The following ZNF622 variants were observed in gnomAD, a reference collection of about 807,000 sequenced individuals.
ZNF622 encodes cytoplasmic 60S subunit biogenesis factor ZNF622.
Under a neutral mutation model 49.7 loss-of-function variants are expected in ZNF622, and 34 were observed. The ratio of observed to expected loss-of-function variants is 0.68; its 90% confidence interval spans 0.52 to 0.91. The LOEUF is 0.91. ZNF622 is among the 40% of genes least tolerant of loss of function. The pLI is 0.00. For missense variants in ZNF622, 569 were observed against 616.4 expected, an observed-to-expected ratio of 0.92 and a Z score of 0.81; for synonymous variants, 209 against 228.7, an observed-to-expected ratio of 0.91 and a Z score of 0.78.
Position 16,451,575 on chromosome 5 carries a change from T to C in ZNF622, c.*82A>G. On this transcript the variant is annotated 3_prime_UTR_variant, in exon 6 of 6. Transcript: ENST00000308683. ...CGAATGAAGTAGCAGCAAAAGGGTC[T>C]CTCCTATGATCTGTCTTTCACTGGT... The C allele has an allele frequency of 6.6e-7, 1 of 1,517,152 alleles. No individual in the cohort carries two copies. Among genetic ancestry groups the C allele is most frequent in the Non-Finnish European group, 8.8e-7 (1 of 1,131,930 alleles). 94.0% of individuals were successfully genotyped at this position (1,517,152 alleles called of 1,614,324 possible).
chr5:16,465,737 A>G lies in ZNF622; in HGVS notation c.-72T>C. On this transcript the variant is annotated 5_prime_UTR_variant, in exon 1 of 6. Coordinates refer to ENST00000308683, the MANE Select transcript of ZNF622 (RefSeq NM_033414.3). This position sits in a 1 kb window ranked among gnomAD's most constrained non-coding sequence, Gnocchi z 6.2. ...AGCGCCGTGGCCCCACAAGACCCTC[A>G]GACCTTAACCCGCCTCAGCAGCCAG... 6.8e-7 allele frequency: 1 copy of G among 1,474,118 alleles called. No homozygotes were observed. The highest frequency in any genetic ancestry group is 9.0e-7 in the Non-Finnish European group (1 of 1,113,776). The allele number at this position is 1,474,118 out of a possible 1,614,324, so 91.3% of individuals were successfully genotyped here.
chr5:16,453,288 G>C (rs750015518), intron 4 of ZNF622, 132 bp from the exon 5 acceptor site: 37 of 929,000 alleles, frequency 4.0e-5, no homozygotes, highest in Non-Finnish European at 4.8e-5. Context: ...AGAAGAAACA[G>C]TTGTTCTATC....
rs1737958822 is a variant in ZNF622, at chr5:16,452,998, T to C, written c.1306+15A>G. 1 of 1,433,676 alleles carries C rather than the reference T, an allele frequency of 7.0e-7. No homozygotes were observed. The allele number at this position is 1,433,676 out of a possible 1,614,324, so 88.8% of individuals were successfully genotyped here. On this transcript the variant is annotated intron_variant, in intron 5 of 5. Transcript: ENST00000308683. ...AAGTTCTCAGACTGGTCTGTAGTTG[T>C]AAAGATCAATGTACCTGTGCTGCCA...
Position 16,463,088 on chromosome 5 carries a change from A to G in ZNF622, c.1049+20T>C, listed in dbSNP as rs747535688. The stretch of plus-strand genomic sequence containing the variant: ...AGCAAATATGACCTCACTTTACTTC[A>G]TATTACAAACTATGCTTACCTAAAA... On this transcript the variant is annotated intron_variant, in intron 3 of 5. Coordinates refer to ENST00000308683, the MANE Select transcript of ZNF622 (RefSeq NM_033414.3). The surrounding 1 kb of genome is among the most constrained non-coding windows in gnomAD (Gnocchi z 4.2). The G allele has an allele frequency of 1.1e-5, 17 of 1,593,636 alleles. No homozygotes were observed. Among genetic ancestry groups the G allele is most frequent in the Admixed American group, 3.7e-5 (2 of 54,314 alleles).
chr5:16,455,511 T>C (rs1288460014), intron 4 of ZNF622, among the ~76,000 whole-genome samples: 3 of 152,206 alleles, frequency 2.0e-5, no homozygotes, highest in Non-Finnish European at 2.9e-5. Context: ...AAAAACATTT[T>C]CCCTAAACCT....
chr5:16,463,594 G>A lies in ZNF622; in HGVS notation c.774C>T (p.Ser258=). 2.5e-6 allele frequency: 4 copies of A among 1,614,158 alleles called. No homozygotes were observed. Among genetic ancestry groups the A allele is most frequent in the South Asian group, 2.2e-5 (2 of 91,078 alleles). Residue 258 remains serine, a synonymous_variant, in exon 2 of 6, where the codon TCC becomes TCT. Coordinates refer to ENST00000308683, the MANE Select transcript of ZNF622 (RefSeq NM_033414.3). The surrounding 1 kb of genome is among the most constrained non-coding windows in gnomAD (Gnocchi z 4.2). ...AIPITDCLFC[S]HHSSSLMKNV... ...TCTTCATCAGCGAGCTGGAATGATG[G>A]GAACAAAATAAGCAGTCCGTGATAG...
At position 16,457,169 on chromosome 5, in the gene ZNF622, T is replaced by C. The variant is rs560971297; in HGVS notation, c.1162+1348A>G. On this transcript the variant is annotated intron_variant, in intron 4 of 5. Coordinates refer to ENST00000308683, the MANE Select transcript of ZNF622 (RefSeq NM_033414.3). ...AGATATGCTCACGTTATGCTAAGGT[T>C]TGTAATATATTGTGCTAAAGTAGAT... Among the ~76,000 whole-genome samples the C allele has an allele frequency of 2.6e-5, 4 of 152,336 alleles. No homozygotes were observed. In the East Asian group the frequency reaches 5.8e-4, roughly 22 times the overall value.
chr5:16,453,159 GTT>G lies in ZNF622; in HGVS notation c.1163-5_1163-4del. 6.7e-7 allele frequency: 1 copy of G among 1,497,304 alleles called. No individual in the cohort carries two copies. Among genetic ancestry groups the G allele is most frequent in the Non-Finnish European group, 9.0e-7 (1 of 1,113,364 alleles). 92.8% of individuals were successfully genotyped at this position (1,497,304 alleles called of 1,614,324 possible). On this transcript the variant is annotated splice_region_variant and splice_polypyrimidine_tract_variant and intron_variant, in intron 4 of 5. Transcript: ENST00000308683. Reference sequence around the variant, plus strand: ...GGAGCGATGACCCACTCTGGCACCTGTTTTTCAAAAGAGCAATACTGAAACAC... The same window carrying G: ...GGAGCGATGACCCACTCTGGCACCTGTTTCAAAAGAGCAATACTGAAACAC...
chr5:16,458,764 C>A (rs1738074992), intron 3 of ZNF622, 135 bp from the exon 4 acceptor site: 2 of 582,366 alleles, frequency 3.4e-6, no homozygotes, highest in Non-Finnish European at 5.9e-6. Context: ...GTAGGAACTA[C>A]CAGCTAAAAG....
intron 5 of ZNF622, among the ~76,000 whole-genome samples, chr5:16,452,421 C>G (rs1433705926): frequency 6.6e-6 from 1 of 152,154 alleles, no homozygotes; most frequent in African/African-American, 2.4e-5. Context: ...ATGCTTTACT[C>G]TTCTAACTTT....
Position 16,458,529 on chromosome 5 carries a change from T to C in ZNF622, c.1150A>G (p.Ile384Val). The C allele has an allele frequency of 6.2e-7, 1 of 1,613,066 alleles. No homozygotes were observed. Among genetic ancestry groups the C allele is most frequent in the Non-Finnish European group, 8.5e-7 (1 of 1,179,212 alleles). Residue 384 changes from isoleucine to valine, a missense_variant, in exon 4 of 6, where the codon ATT becomes GTT. By Grantham distance (29) the Ile-to-Val change is conservative. Coordinates refer to ENST00000308683, the MANE Select transcript of ZNF622 (RefSeq NM_033414.3). ...CAAATGCACTTACCAGAAGGCAGAA[T>C]CAATTCCATGGTTTCATCATCATAT... ...LEYDDETMELILPSGARVGHR... is the reference protein window; with the variant it reads ...LEYDDETMELVLPSGARVGHR...
chr5:16,458,647 C>T lies in ZNF622; in HGVS notation c.1050-18G>A. 6.5e-7 allele frequency: 1 copy of T among 1,529,958 alleles called. No homozygotes were observed. The highest frequency in any genetic ancestry group is 9.0e-7 in the Non-Finnish European group (1 of 1,114,724). 94.8% of individuals were successfully genotyped at this position (1,529,958 alleles called of 1,614,324 possible). A position where few individuals can be genotyped will look rare whatever the true frequency, so the allele number is the denominator to read the frequency against. ...AGCTACTCCTATAACAGAGAAATTG[C>T]ACTAATAAATAGACTAATATCTCAA... On this transcript the variant is annotated intron_variant, in intron 3 of 5. Transcript: ENST00000308683.
chr5:16,461,583 A>T (rs1272502717), intron 3 of ZNF622, among the ~76,000 whole-genome samples: 1 of 152,224 alleles, frequency 6.6e-6, no homozygotes, highest in African/African-American at 2.4e-5. Context: ...TTGGTGATCG[A>T]TTCTAATGTA....
chr5:16,461,887 A>G (rs1428745568), intron 3 of ZNF622, among the ~76,000 whole-genome samples: 1 of 152,196 alleles, frequency 6.6e-6, no homozygotes, highest in Non-Finnish European at 1.5e-5. Context: ...TCTGAATATA[A>G]CCACAGGATG....
At chr5:16,453,559 TTATATATATATATATATATATATATATA>T (rs58965299) in intron 4 of ZNF622, among the ~76,000 whole-genome samples, 13 of 67,158 alleles carry the variant, frequency 1.9e-4, no homozygotes, top group Non-Finnish European at 2.6e-4. Context: ...TAAATAAAAA[TTATATATATATATATATATATATATATA>T]TATATATATA....
In ZNF622 at chr5:16,458,645, TG is replaced by T. The variant is rs763829650; in HGVS notation, c.1050-17del. ...ATAGCTACTCCTATAACAGAGAAAT[TG>T]CACTAATAAATAGACTAATATCTCA... On this transcript the variant is annotated splice_polypyrimidine_tract_variant and intron_variant, in intron 3 of 5. Coordinates refer to ENST00000308683, the MANE Select transcript of ZNF622 (RefSeq NM_033414.3). 3 of 1,540,524 alleles carry T rather than the reference TG, an allele frequency of 1.9e-6. No homozygotes were observed. The African/African-American group carries it at 4.1e-5, about 21-fold the overall frequency.
rs1312463975 is a variant in ZNF622, at chr5:16,463,069, T to C, written c.1049+39A>G. 1 of 1,584,690 alleles carries C rather than the reference T, an allele frequency of 6.3e-7. No homozygotes were observed. The highest frequency in any genetic ancestry group is 2.2e-5 in the East Asian group (1 of 44,630). The stretch of plus-strand genomic sequence containing the variant: ...CACCTAATAATCACTTCAAAGCAAA[T>C]ATGACCTCACTTTACTTCATATTAC... On this transcript the variant is annotated intron_variant, in intron 3 of 5. Coordinates refer to ENST00000308683, the MANE Select transcript of ZNF622 (RefSeq NM_033414.3). The surrounding 1 kb of genome is among the most constrained non-coding windows in gnomAD (Gnocchi z 4.2).
chr5:16,451,852 T>G, intron 5 of ZNF622, 68 bp from the exon 6 acceptor site: 1 of 1,554,752 alleles, frequency 6.4e-7, no homozygotes, highest in Non-Finnish European at 8.7e-7. Context: ...AAATCCAACC[T>G]TGGCAGAGAA....
rs755855051 is a variant in ZNF622, at chr5:16,465,619, G to A, written c.47C>T (p.Ala16Val). 5.6e-6 allele frequency: 9 copies of A among 1,599,188 alleles called. No homozygotes were observed. The highest frequency in any genetic ancestry group is 7.7e-6 in the Non-Finnish European group (9 of 1,171,932). Reference sequence around the variant, plus strand: ...CTTATAGTGGGCCCGCTGCATGTCCGCGTCGCGGAACGCCACCCGGCAAGT... The same window carrying A: ...CTTATAGTGGGCCCGCTGCATGTCCACGTCGCGGAACGCCACCCGGCAAGT... Reference protein sequence around the residue: ...CITCRVAFRDADMQRAHYKTD... With the variant: ...CITCRVAFRDVDMQRAHYKTD... Residue 16 changes from alanine (A) to valine (V), a missense_variant, in exon 1 of 6, where the codon GCG (alanine) becomes GTG (valine). Coordinates refer to ENST00000308683, the MANE Select transcript of ZNF622 (RefSeq NM_033414.3). The surrounding 1 kb of genome is among the most constrained non-coding windows in gnomAD (Gnocchi z 6.2).
Sources: allele counts gnomAD v4.1 joint callset (sites outside exome capture counted in the v4.1 genomes callset), GRCh38; gene constraint gnomAD v4.1.1; non-coding constraint Gnocchi (gnomAD v3.1); transcripts MANE v1.5; gene names NCBI Gene and HGNC (gene_info 2026-07-23, HGNC 2026-07-21).